Variants in PIK3R6 observed in about 807,000 individuals in gnomAD.
The protein encoded by PIK3R6 is phosphoinositide-3-kinase regulatory subunit 6.
A neutral mutation model predicts 84.9 loss-of-function variants in PIK3R6; 91 were observed. That is an observed-to-expected ratio of 1.07 (90% CI 0.90 to 1.28). PIK3R6 has a LOEUF of 1.28. PIK3R6 is among the 50% of genes most tolerant of loss of function. The pLI, the probability that PIK3R6 is intolerant of heterozygous loss-of-function variation, is 0.00. For missense variants in PIK3R6, 996 were observed against 985.1 expected (o/e 1.01, Z -0.15); for synonymous variants, 416 against 411.4 (o/e 1.01, Z -0.13).
intron 18 of PIK3R6, among the ~76,000 whole-genome samples, chr17:8,814,066 GA>G (rs2087447130): frequency 6.6e-6 from 1 of 152,038 alleles, no homozygotes; most frequent in South Asian, 2.1e-4. Flanking sequence ...CTCATTTCTG[GA>G]AAAACAAAAC....
intron 1 of PIK3R6, among the ~76,000 whole-genome samples, chr17:8,858,516 C>T (rs1455650170): frequency 1.3e-5 from 2 of 151,988 alleles, no homozygotes; most frequent in Admixed American, 6.6e-5. Flanking sequence ...AGGGTTTCGC[C>T]ATGTTAGCCA....
At chr17:8,853,743 C>T (rs1399846336) in intron 1 of PIK3R6, among the ~76,000 whole-genome samples, 1 of 151,820 alleles carries the variant, frequency 6.6e-6, no homozygotes, top group Non-Finnish European at 1.5e-5. Flanking sequence ...GGGGGCAGGT[C>T]ACGAGGCCAG....
At chr17:8,834,029 G>A (rs1367370820) in intron 8 of PIK3R6, among the ~76,000 whole-genome samples, 1 of 151,594 alleles carries the variant, frequency 6.6e-6, no homozygotes, top group Non-Finnish European at 1.5e-5. Flanking sequence ...GGTGGCCGGC[G>A]CCTGTAGTCC....
intron 17 of PIK3R6, 65 bp downstream of exon 17, chr17:8,821,781 C>T (rs2087740133): frequency 1.3e-6 from 2 of 1,483,844 alleles, no homozygotes; most frequent in Non-Finnish European, 1.8e-6. Context: ...CCACTCTGCC[C>T]TCTCCCCAGC....
intron 3 of PIK3R6, 106 bp from the exon 4 acceptor site, chr17:8,838,761 C>A: frequency 9.0e-7 from 1 of 1,105,866 alleles, no homozygotes; most frequent in South Asian, 1.5e-5. Context: ...CAGCTCTGAC[C>A]AGCCACGGGT....
chr17:8,849,646 G>C, intron 2 of PIK3R6, 136 bp downstream of exon 2: 1 of 980,386 alleles, frequency 1.0e-6, no homozygotes, highest in African/African-American at 1.7e-5. Flanking sequence ...ATTTAGGCAG[G>C]ATCCCTGAAT....
intron 1 of PIK3R6, among the ~76,000 whole-genome samples, chr17:8,851,324 T>C (rs958022660): frequency 2.6e-5 from 4 of 152,032 alleles, no homozygotes; most frequent in Non-Finnish European, 2.9e-5. Context: ...GGTGAAACCC[T>C]GTCTCTACTA....
At position 8,844,870 on chromosome 17, in the gene PIK3R6, G is replaced by C. The variant is rs1255897549; in HGVS notation, c.13+4912C>G. Among the ~76,000 whole-genome samples, 1 of 151,570 alleles carries C rather than the reference G, an allele frequency of 6.6e-6. No individual in the cohort carries two copies. Among genetic ancestry groups the C allele is most frequent in the East Asian group, 1.9e-4 (1 of 5,168 alleles). ...CCCAGTTTCTATTGTTGCCATCTTT[G>C]TGTCCATGAGTACCCAAAGTTTAGC... is the stretch of plus-strand genomic sequence containing the variant. On this transcript the variant is annotated intron_variant, in intron 2 of 19. Coordinates refer to ENST00000619866, the MANE Select transcript of PIK3R6 (RefSeq NM_001010855.4). The surrounding 1 kb of genome is among the most constrained non-coding windows in gnomAD (Gnocchi z 4.5).
rs547393133 is a variant in PIK3R6, at chr17:8,848,062, C to G, written c.13+1720G>C. ...GGACTGATACTCTCTGTCTCTGTCTCTCTCAGACAGCCTTTTTCAGAGAAT... is the reference window on the plus strand; with the variant it reads ...GGACTGATACTCTCTGTCTCTGTCTGTCTCAGACAGCCTTTTTCAGAGAAT... On this transcript the variant is annotated intron_variant, in intron 2 of 19. Coordinates refer to ENST00000619866, the MANE Select transcript of PIK3R6 (RefSeq NM_001010855.4). 2.0e-5 allele frequency among the ~76,000 whole-genome samples: 3 copies of G among 152,294 alleles called. No homozygotes were observed. The South Asian group carries it at 6.2e-4, about 32-fold the overall frequency.
intron 17 of PIK3R6, among the ~76,000 whole-genome samples, chr17:8,820,561 G>C (rs1230854706): frequency 6.6e-6 from 1 of 152,206 alleles, no homozygotes; most frequent in East Asian, 1.9e-4. Flanking sequence ...TCTAGGTTAA[G>C]AGCTACTGCC....
At chr17:8,805,431 C>T (rs1214256563) in intron 18 of PIK3R6, among the ~76,000 whole-genome samples, 1 of 152,146 alleles carries the variant, frequency 6.6e-6, no homozygotes, top group African/African-American at 2.4e-5. Flanking sequence ...ACTGTGGGTT[C>T]TTTCTCTTCT....
intron 1 of PIK3R6, among the ~76,000 whole-genome samples, chr17:8,852,620 T>C (rs1431098592): frequency 6.6e-6 from 1 of 151,762 alleles, no homozygotes; most frequent in Non-Finnish European, 1.5e-5. Context: ...GTGCCTGTAA[T>C]CCCAGCTACT....
chr17:8,826,054 C>G (rs1195631412), intron 13 of PIK3R6, among the ~76,000 whole-genome samples: 1 of 152,196 alleles, frequency 6.6e-6, no homozygotes. Context: ...GTCAAGCTGC[C>G]TGTTTCCAAC....
In PIK3R6 at chr17:8,804,131, G is replaced by T. The variant is rs199867090; in HGVS notation, c.2018C>A (p.Thr673Lys). ...SFSTVTNTFR[T>K]NNIQIQSRDQ... The stretch of plus-strand genomic sequence containing the variant: ...CCGGCTCTGGATCTGGATATTGTTC[G>T]TCCTGAAGGTGTTGGTCACTGTCTG... The change falls in exon 19 of 20, where the codon ACG (threonine) becomes AAG (lysine). Residue 673 changes from threonine to lysine, a missense_variant. Coordinates refer to ENST00000619866, the MANE Select transcript of PIK3R6 (RefSeq NM_001010855.4). 3.7e-6 allele frequency: 6 copies of T among 1,613,850 alleles called. No individual in the cohort carries two copies. The highest frequency in any genetic ancestry group is 5.1e-6 in the Non-Finnish European group (6 of 1,179,860).
Position 8,803,526 on chromosome 17 carries a change from T to A in PIK3R6, c.2109-97A>T, listed in dbSNP as rs539934673. The A allele has an allele frequency of 5.8e-4, 731 of 1,269,544 alleles. 1 individual carries two copies. In the African/African-American group the frequency reaches 0.01, roughly 18 times the overall value. 78.6% of individuals were successfully genotyped at this position (1,269,544 alleles called of 1,614,324 possible). A position where few individuals can be genotyped will look rare whatever the true frequency, so the allele number is the denominator to read the frequency against. On this transcript the variant is annotated intron_variant, in intron 19 of 19. Transcript: ENST00000619866. This position sits in a 1 kb window ranked among gnomAD's most constrained non-coding sequence, Gnocchi z 5.0. ...GAGCTGTTATTGTAGGGCCTAGAGC[T>A]GTTATTGTAGGGCATAGAGGAGGCG...
chr17:8,838,514 C>T (rs1398184266), intron 4 of PIK3R6, 50 bp downstream of exon 4: 1 of 1,530,064 alleles, frequency 6.5e-7, no homozygotes, highest in African/African-American at 1.4e-5. Flanking sequence ...CCCAATTGGC[C>T]CCTCTCTTCC....
In PIK3R6 at chr17:8,849,965, G is replaced by A. The variant is rs540827001; in HGVS notation, c.-91-80C>T. ...CCTTGGGAAATGGAGAAGCTCCTAA[G>A]GGACCTAGGCTTCTAGCACACTGGG... On this transcript the variant is annotated intron_variant, in intron 1 of 19. Transcript: ENST00000619866. 1.7e-4 allele frequency: 135 copies of A among 798,616 alleles called. No homozygotes were observed. In the African/African-American group the frequency reaches 1.9e-3, roughly 11 times the overall value. 49.5% of individuals were successfully genotyped at this position (798,616 alleles called of 1,614,324 possible). A position where few individuals can be genotyped will look rare whatever the true frequency, so the allele number is the denominator to read the frequency against.
At position 8,844,250 on chromosome 17, in the gene PIK3R6, G is replaced by T. The variant is rs1486686640; in HGVS notation, c.14-4553C>A. 6.6e-6 allele frequency among the ~76,000 whole-genome samples: 1 copy of T among 152,214 alleles called. No homozygotes were observed. Among genetic ancestry groups the T allele is most frequent in the African/African-American group, 2.4e-5 (1 of 41,452 alleles). On this transcript the variant is annotated intron_variant, in intron 2 of 19. Transcript: ENST00000619866. The surrounding 1 kb of genome is among the most constrained non-coding windows in gnomAD (Gnocchi z 4.5). ...CAAGTCTGGCCAAGCAGTTCTGGTG[G>T]CTGTAGCCACCGTGGACTGGAGACG...
rs1032288859 is a variant in PIK3R6 at position 8,862,793 on chromosome 17, C to A, written c.-92+4736G>T. Among the ~76,000 whole-genome samples the A allele has an allele frequency of 6.6e-6, 1 of 152,160 alleles. No individual in the cohort carries two copies. Among genetic ancestry groups the A allele is most frequent in the Non-Finnish European group, 1.5e-5 (1 of 68,034 alleles). ...TACACCATCCTCCGCCCACAGTCAG[C>A]AAGACTCCTGGCAGCCAAAATAGGC... On this transcript the variant is annotated intron_variant, in intron 1 of 19. Transcript: ENST00000619866. This position sits in a 1 kb window ranked among gnomAD's most constrained non-coding sequence, Gnocchi z 4.3.
Sources: allele counts gnomAD v4.1 joint callset (sites outside exome capture counted in the v4.1 genomes callset), GRCh38; gene constraint gnomAD v4.1.1; non-coding constraint Gnocchi (gnomAD v3.1); transcripts MANE v1.5; gene names NCBI Gene and HGNC (gene_info 2026-07-23, HGNC 2026-07-21).